Variants in SLC17A7 observed in about 807,000 individuals in gnomAD.
SLC17A7 encodes the protein vesicular glutamate transporter 1.
In SLC17A7, 15 loss-of-function variants were observed where a neutral mutation model predicts 59.1. That is an observed-to-expected ratio of 0.25 (90% confidence interval 0.17 to 0.39). SLC17A7 has a LOEUF of 0.39. SLC17A7 is among the 10% of genes least tolerant of loss of function. The probability of loss-of-function intolerance (pLI) is 1.00; values close to 1 mark genes in which losing one functional copy is unlikely to be tolerated. For synonymous variants in SLC17A7, 353 were observed against 308.9 expected, an observed-to-expected ratio of 1.14 and a Z score of -1.50; for missense variants, 499 against 765.1, an observed-to-expected ratio of 0.65 and a Z score of 4.10.
At chr19:49,437,323 T>A in intron 1 of SLC17A7, 1 of 159,678 alleles carries the variant, frequency 6.3e-6, no homozygotes, top group South Asian at 1.7e-4. Context: ...TAGGGAACCT[T>A]GAGTCCAGGC....
chr19:49,435,372 A>C lies in SLC17A7; in HGVS notation c.316-86T>G, dbSNP rs2078976248. On this transcript the variant is annotated intron_variant, in intron 2 of 11. Transcript: ENST00000221485. The stretch of plus-strand genomic sequence containing the variant: ...CAGCACCCACAGACTTAGCGTCTCG[A>C]CCTATCAGCAACGAGGAACCCCTCC... 1.2e-5 allele frequency: 11 copies of C among 905,928 alleles called. No individual in the cohort carries two copies. The South Asian group carries it at 1.5e-4, about 12-fold the overall frequency. 56.1% of individuals were successfully genotyped at this position (905,928 alleles called of 1,614,324 possible).
rs1284227558 is a variant in SLC17A7 at position 49,433,915 on chromosome 19, G to A, written c.724+45C>T. 3 of 1,613,040 alleles carry A rather than the reference G, an allele frequency of 1.9e-6. No homozygotes were observed. The highest frequency in any genetic ancestry group is 1.7e-4 in the Middle Eastern group (1 of 6,056). ...TGGGAGCGAGGTGAGGACCGGCCCCGCTCCGCCCCAGCGCCACCCGGAACC... is the reference window on the plus strand; with the variant it reads ...TGGGAGCGAGGTGAGGACCGGCCCCACTCCGCCCCAGCGCCACCCGGAACC... On this transcript the variant is annotated intron_variant, in intron 6 of 11. Transcript: ENST00000221485. The surrounding 1 kb of genome is among the most constrained non-coding windows in gnomAD (Gnocchi z 5.7).
In SLC17A7 at chr19:49,436,505, G is replaced by C; in HGVS notation, c.315+44C>G. ...CGTCATGGGGGCGTAGGCGGAGCTC[G>C]GTGAGCGGGGCGGGGCTCTGCAAGG... On this transcript the variant is annotated intron_variant, in intron 2 of 11. Coordinates refer to ENST00000221485, the MANE Select transcript of SLC17A7 (RefSeq NM_020309.4). This position sits in a 1 kb window ranked among gnomAD's most constrained non-coding sequence, Gnocchi z 4.1. The C allele has an allele frequency of 6.3e-7, 1 of 1,593,802 alleles. No individual in the cohort carries two copies. Among genetic ancestry groups the C allele is most frequent in the Non-Finnish European group, 8.5e-7 (1 of 1,171,090 alleles).
rs370014097 is a variant in SLC17A7 at position 49,433,600 on chromosome 19, C to T, written c.867+126G>A. 3 of 1,385,408 alleles carry T rather than the reference C, an allele frequency of 2.2e-6. No individual in the cohort carries two copies. In the South Asian group the frequency reaches 3.7e-5, roughly 17 times the overall value. 85.8% of individuals were successfully genotyped at this position (1,385,408 alleles called of 1,614,324 possible). A position where few individuals can be genotyped will look rare whatever the true frequency, so the allele number is the denominator to read the frequency against. On this transcript the variant is annotated intron_variant, in intron 7 of 11. Coordinates refer to ENST00000221485, the MANE Select transcript of SLC17A7 (RefSeq NM_020309.4). This position sits in a 1 kb window ranked among gnomAD's most constrained non-coding sequence, Gnocchi z 5.7. ...TTGCAACCCGCCTCCTAGGTTCTAG[C>T]CCCTCTCTTTGCGTTCCAGTCCCGT...
chr19:49,434,624 G>T lies in SLC17A7; in HGVS notation c.615C>A (p.Arg205=). 1 of 1,603,704 alleles carries T rather than the reference G, an allele frequency of 6.2e-7. No homozygotes were observed. Among genetic ancestry groups the T allele is most frequent in the Non-Finnish European group, 8.5e-7 (1 of 1,177,424 alleles). ...SKWAPPLERS[R]LATTAFCGSY... is the part of the protein sequence containing the mutation. ...CACCACAAAAGGCTGTCGTCGCCAG[G>T]CGACTCCGTTCTAAGGGTGGGGCCC... is the stretch of plus-strand genomic sequence containing the variant. The change falls in exon 5 of 12, where the codon CGC becomes CGA. Residue 205 remains arginine, a synonymous_variant. Coordinates refer to ENST00000221485, the MANE Select transcript of SLC17A7 (RefSeq NM_020309.4).
Position 49,433,599 on chromosome 19 carries a change from G to T in SLC17A7, c.867+127C>A. The T allele has an allele frequency of 1.5e-6, 2 of 1,373,006 alleles. No individual in the cohort carries two copies. Among genetic ancestry groups the T allele is most frequent in the Non-Finnish European group, 2.0e-6 (2 of 982,468 alleles). 85.1% of individuals were successfully genotyped at this position (1,373,006 alleles called of 1,614,324 possible). On this transcript the variant is annotated intron_variant, in intron 7 of 11. Transcript: ENST00000221485. The surrounding 1 kb of genome is among the most constrained non-coding windows in gnomAD (Gnocchi z 5.7). ...GTTGCAACCCGCCTCCTAGGTTCTAGCCCCTCTCTTTGCGTTCCAGTCCCG... is the reference window on the plus strand; with the variant it reads ...GTTGCAACCCGCCTCCTAGGTTCTATCCCCTCTCTTTGCGTTCCAGTCCCG...
intron 3 of SLC17A7, 22 bp from the exon 4 acceptor site, chr19:49,434,904 A>G: frequency 6.3e-7 from 1 of 1,599,856 alleles, no homozygotes; most frequent in Non-Finnish European, 8.5e-7. Context: ...GGTCAGAGAA[A>G]AGAATCCAAG....
At position 49,432,594 on chromosome 19, in the gene SLC17A7, C is replaced by A; in HGVS notation, c.1075G>T (p.Gly359Cys). Residue 359 changes from glycine to cysteine, a missense_variant, in exon 9 of 12, where the codon GGC (glycine) becomes TGC (cysteine). This residue lies in a region of SLC17A7 where 323 missense variants were observed against 607.2 expected (regional missense o/e 0.53). Transcript: ENST00000221485. ...LVMTIIVPIGGQIADFLRSRR... is the reference protein window; with the variant it reads ...LVMTIIVPIGCQIADFLRSRR... ...CTCCGCAGGAAGTCCGCGATCTGGCCGCCGATGGGCACGATGATGGTCATG... is the reference window on the plus strand; with the variant it reads ...CTCCGCAGGAAGTCCGCGATCTGGCAGCCGATGGGCACGATGATGGTCATG... The A allele has an allele frequency of 6.2e-7, 1 of 1,613,552 alleles. No homozygotes were observed. Among genetic ancestry groups the A allele is most frequent in the Non-Finnish European group, 8.5e-7 (1 of 1,179,846 alleles).
At position 49,434,749 on chromosome 19, in the gene SLC17A7, A is replaced by G. The variant is rs1262853627; in HGVS notation, c.549+19T>C. The G allele has an allele frequency of 1.2e-6, 2 of 1,614,088 alleles. No individual in the cohort carries two copies. Among genetic ancestry groups the G allele is most frequent in the South Asian group, 1.1e-5 (1 of 91,084 alleles). Reference sequence around the variant, plus strand: ...GCAGGGTCCGAGCGAGGGCAGGGTCATATCAGGCGGGGATTTACCTCTACC... The same window carrying G: ...GCAGGGTCCGAGCGAGGGCAGGGTCGTATCAGGCGGGGATTTACCTCTACC... On this transcript the variant is annotated intron_variant, in intron 4 of 11. Transcript: ENST00000221485.
At position 49,432,550 on chromosome 19, in the gene SLC17A7, G is replaced by A; in HGVS notation, c.1119C>T (p.Thr373=). Residue 373 remains threonine, a synonymous_variant, in exon 9 of 12, where the codon ACC becomes ACT. Transcript: ENST00000221485. Reference sequence around the variant, plus strand: ...AGTTCATCAACTTGCGCACGTTGGTGGTGGACATGATGCGGCGGCTCCGCA... The same window carrying A: ...AGTTCATCAACTTGCGCACGTTGGTAGTGGACATGATGCGGCGGCTCCGCA... The part of the protein sequence containing the change: ...DFLRSRRIMS[T]TNVRKLMNCG... The A allele has an allele frequency of 6.2e-7, 1 of 1,613,644 alleles. No individual in the cohort carries two copies.
rs956950984 is a variant in SLC17A7, at chr19:49,436,451, T to A, written c.315+98A>T. 4.7e-6 allele frequency: 7 copies of A among 1,488,158 alleles called. No individual in the cohort carries two copies. Among genetic ancestry groups the A allele is most frequent in the Non-Finnish European group, 6.4e-6 (7 of 1,099,826 alleles). The allele number at this position is 1,488,158 out of a possible 1,614,324, so 92.2% of individuals were successfully genotyped here. On this transcript the variant is annotated intron_variant, in intron 2 of 11. Transcript: ENST00000221485. This position sits in a 1 kb window ranked among gnomAD's most constrained non-coding sequence, Gnocchi z 4.1. The stretch of plus-strand genomic sequence containing the variant: ...TTCCGACAGCGTTTCGGAAGGGGCG[T>A]GGCCTGGACGTCTGGTGGGTGAGTG...
Position 49,436,505 on chromosome 19 carries a change from G to A in SLC17A7, c.315+44C>T. ...CGTCATGGGGGCGTAGGCGGAGCTC[G>A]GTGAGCGGGGCGGGGCTCTGCAAGG... On this transcript the variant is annotated intron_variant, in intron 2 of 11. Coordinates refer to ENST00000221485, the MANE Select transcript of SLC17A7 (RefSeq NM_020309.4). This position sits in a 1 kb window ranked among gnomAD's most constrained non-coding sequence, Gnocchi z 4.1. 6.3e-7 allele frequency: 1 copy of A among 1,593,802 alleles called. No individual in the cohort carries two copies. Among genetic ancestry groups the A allele is most frequent in the Non-Finnish European group, 8.5e-7 (1 of 1,171,090 alleles).
At position 49,441,400 on chromosome 19, in the gene SLC17A7, G is replaced by T. The variant is rs961853234; in HGVS notation, c.-21C>A. 9 of 1,514,090 alleles carry T rather than the reference G, an allele frequency of 5.9e-6. No individual in the cohort carries two copies. In the African/African-American group the frequency reaches 1.1e-4, roughly 19 times the overall value. The allele number at this position is 1,514,090 out of a possible 1,614,324, so 93.8% of individuals were successfully genotyped here. ...TCCATGGTGGCGGCTCCTGCCGCCGGTCACCCCGCGGGTCCCCCCCGCCGA... is the reference window on the plus strand; with the variant it reads ...TCCATGGTGGCGGCTCCTGCCGCCGTTCACCCCGCGGGTCCCCCCCGCCGA... On this transcript the variant is annotated 5_prime_UTR_variant, in exon 1 of 12. Coordinates refer to ENST00000221485, the MANE Select transcript of SLC17A7 (RefSeq NM_020309.4).
intron 1 of SLC17A7, among the ~76,000 whole-genome samples, chr19:49,440,911 C>T (rs1484657152): frequency 6.6e-6 from 1 of 151,464 alleles, no homozygotes; most frequent in Non-Finnish European, 1.5e-5. Context: ...CGCAAAGAAG[C>T]GGAGGCAGAG....
chr19:49,431,536 A>G lies in SLC17A7; in HGVS notation c.1151-88T>C. The G allele has an allele frequency of 2.7e-6, 3 of 1,120,058 alleles. No individual in the cohort carries two copies. The highest frequency in any genetic ancestry group is 3.9e-6 in the Non-Finnish European group (3 of 766,638). The allele number at this position is 1,120,058 out of a possible 1,614,324, so 69.4% of individuals were successfully genotyped here. ...CACACCGCCCTTCCAGACCTGCTCC[A>G]GCCCCAAACCGCGTCTATCCACCCC... On this transcript the variant is annotated intron_variant, in intron 9 of 11. Transcript: ENST00000221485. The surrounding 1 kb of genome is among the most constrained non-coding windows in gnomAD (Gnocchi z 4.6).
intron 8 of SLC17A7, 79 bp downstream of exon 8, chr19:49,432,732 C>A: frequency 1.2e-6 from 2 of 1,601,964 alleles, no homozygotes; most frequent in Non-Finnish European, 1.7e-6. Context: ...ACCACCGGCT[C>A]CTCCCTGCCT....
chr19:49,436,842 C>G lies in SLC17A7; in HGVS notation c.63-41G>C. 6.3e-7 allele frequency: 1 copy of G among 1,588,948 alleles called. No homozygotes were observed. The highest frequency in any genetic ancestry group is 8.5e-7 in the Non-Finnish European group (1 of 1,173,494). ...AGCCAGAGACTCGGAAGTCCAGGCC[C>G]CCAGCCCCCTCACCCCCAAGACCAG... On this transcript the variant is annotated intron_variant, in intron 1 of 11. Transcript: ENST00000221485. This position sits in a 1 kb window ranked among gnomAD's most constrained non-coding sequence, Gnocchi z 4.1.
Position 49,436,726 on chromosome 19 carries a change from G to A in SLC17A7, c.138C>T (p.Thr46=). 1.2e-6 allele frequency: 2 copies of A among 1,611,506 alleles called. No individual in the cohort carries two copies. The highest frequency in any genetic ancestry group is 1.7e-6 in the Non-Finnish European group (2 of 1,179,940). The change falls in exon 2 of 12, where the codon ACC becomes ACT. Residue 46 remains threonine (T), a synonymous_variant. Coordinates refer to ENST00000221485, the MANE Select transcript of SLC17A7 (RefSeq NM_020309.4). The surrounding 1 kb of genome is among the most constrained non-coding windows in gnomAD (Gnocchi z 4.1). ...TGCAGTCCACCACCGGCGGGTCCCG[G>A]GTCTGCGTGGTCACCGGGCGCCCAT... ...SADGRPVTTQ[T]RDPPVVDCTC...
At chr19:49,440,889 G>C (rs1893893993) in intron 1 of SLC17A7, among the ~76,000 whole-genome samples, 1 of 152,028 alleles carries the variant, frequency 6.6e-6, no homozygotes, top group African/African-American at 2.4e-5. Flanking sequence ...ACCAGAGAGA[G>C]GGGCACAGAG....
Sources: allele counts gnomAD v4.1 joint callset (sites outside exome capture counted in the v4.1 genomes callset), GRCh38; gene constraint gnomAD v4.1.1; regional missense constraint gnomAD v4.1.1; non-coding constraint Gnocchi (gnomAD v3.1); transcripts MANE v1.5; gene names NCBI Gene and HGNC (gene_info 2026-07-23, HGNC 2026-07-21).